The following MAD1L1 variants were observed in gnomAD, a reference collection of about 807,000 sequenced individuals.
MAD1L1 encodes the protein mitotic arrest deficient 1 like 1.
MAD1L1 carries 95 observed loss-of-function variants against 96.9 expected under a neutral mutation model. The ratio of observed to expected loss-of-function variants is 0.98; its 90% CI spans 0.83 to 1.16. The LOEUF is 1.16. Among genes scored for constraint, MAD1L1 ranks in the 50% most tolerant of loss-of-function variants. The pLI is 0.00. For missense variants in MAD1L1, 1,007 were observed against 954.4 expected, an observed-to-expected ratio of 1.06 and a Z score of -0.73; for synonymous variants, 473 against 396.6, an observed-to-expected ratio of 1.19 and a Z score of -2.29.
intron 11 of MAD1L1, among the ~76,000 whole-genome samples, chr7:2,145,855 C>T (rs935121580): frequency 4.6e-5 from 7 of 152,216 alleles, no homozygotes; most frequent in Non-Finnish European, 1.0e-4. Context: ...GCAGGAACTC[C>T]GCAGAGGAGC....
intron 17 of MAD1L1, among the ~76,000 whole-genome samples, chr7:1,900,907 C>T (rs1017679990): frequency 7.2e-5 from 11 of 152,142 alleles, no homozygotes; most frequent in African/African-American, 1.9e-4. Context: ...GGTCCCAGGG[C>T]GAGGAAGGCA....
At chr7:1,922,830 TG>T (rs1249287830) in intron 17 of MAD1L1, among the ~76,000 whole-genome samples, 1 of 152,206 alleles carries the variant, frequency 6.6e-6, no homozygotes, top group Non-Finnish European at 1.5e-5. Context: ...CATGAACGTG[TG>T]TTGGGCCTCG....
intron 11 of MAD1L1, among the ~76,000 whole-genome samples, chr7:2,091,724 A>C (rs1275597057): frequency 6.6e-6 from 1 of 151,854 alleles, no homozygotes; most frequent in African/African-American, 2.4e-5. Context: ...TGCAGTGAGC[A>C]GAGATCACGC....
At chr7:1,917,011 GT>G (rs201161130) in intron 17 of MAD1L1, among the ~76,000 whole-genome samples, 2,177 of 152,230 alleles carry the variant, frequency 0.014, 58 homozygotes, top group African/African-American at 0.05. Flanking sequence ...ACAGCATCTT[GT>G]GACAGGAATG....
intron 12 of MAD1L1, among the ~76,000 whole-genome samples, chr7:2,062,757 C>T (rs113006942): frequency 1.1e-4 from 16 of 152,094 alleles, no homozygotes; most frequent in South Asian, 2.1e-4. Flanking sequence ...ACAAGCCTCC[C>T]GAGGTGGGGC....
intron 11 of MAD1L1, among the ~76,000 whole-genome samples, chr7:2,079,260 T>TG (rs1785521458): frequency 6.6e-6 from 1 of 152,048 alleles, no homozygotes; most frequent in African/African-American, 2.4e-5. Flanking sequence ...AGAGGGCAGG[T>TG]GCCCCAGGAC....
At chr7:1,860,487 C>T (rs1363320107) in intron 18 of MAD1L1, among the ~76,000 whole-genome samples, 1 of 152,166 alleles carries the variant, frequency 6.6e-6, no homozygotes, top group Non-Finnish European at 1.5e-5. Context: ...CTAGGGGTGA[C>T]ATCCTGCAGG....
intron 12 of MAD1L1, among the ~76,000 whole-genome samples, chr7:2,041,908 C>G (rs932592864): frequency 6.6e-6 from 1 of 152,200 alleles, no homozygotes; most frequent in Admixed American, 6.5e-5. Context: ...CAGCTCCCCG[C>G]AGCACCTCCT....
At chr7:1,871,173 C>T (rs1010449803) in intron 18 of MAD1L1, among the ~76,000 whole-genome samples, 2 of 145,812 alleles carry the variant, frequency 1.4e-5, no homozygotes, top group African/African-American at 5.1e-5. Context: ...ACCTGCCGCG[C>T]TGAACCCAAC....
chr7:2,049,674 C>T (rs546863417), intron 12 of MAD1L1, among the ~76,000 whole-genome samples: 1 of 152,328 alleles, frequency 6.6e-6, no homozygotes, highest in South Asian at 2.1e-4. Context: ...GGGCACTGGG[C>T]ACTGCCTGGC....
intron 11 of MAD1L1, among the ~76,000 whole-genome samples, chr7:2,080,980 C>A (rs1370221680): frequency 2.0e-5 from 3 of 152,194 alleles, no homozygotes; most frequent in Non-Finnish European, 4.4e-5. Context: ...TGCCTCTCAG[C>A]ATGCCCAAGG....
At chr7:2,167,418 G>A (rs996087504) in intron 10 of MAD1L1, among the ~76,000 whole-genome samples, 7 of 152,010 alleles carry the variant, frequency 4.6e-5, no homozygotes, top group East Asian at 1.9e-4. Flanking sequence ...GCATGGTGGC[G>A]GGCGCCTGTA....
At chr7:1,827,801 G>T (rs562511142) in intron 18 of MAD1L1, among the ~76,000 whole-genome samples, 1 of 151,150 alleles carries the variant, frequency 6.6e-6, no homozygotes, top group Non-Finnish European at 1.5e-5. Context: ...CCCGTCCCGG[G>T]TGTGGGGTCC....
chr7:1,977,213 G>A (rs1213758181), intron 15 of MAD1L1, among the ~76,000 whole-genome samples: 2 of 152,240 alleles, frequency 1.3e-5, no homozygotes, highest in African/African-American at 4.8e-5. Flanking sequence ...GGCTGGGGGT[G>A]GGTGTGGGCT....
intron 14 of MAD1L1, among the ~76,000 whole-genome samples, chr7:1,993,659 G>A (rs981571615): frequency 1.3e-5 from 2 of 152,232 alleles, no homozygotes; most frequent in East Asian, 3.8e-4. Flanking sequence ...TTTTCTGGGC[G>A]AAGAAACCAT....
chr7:1,829,154 G>A (rs1341195087), intron 18 of MAD1L1, among the ~76,000 whole-genome samples: 2 of 152,262 alleles, frequency 1.3e-5, no homozygotes, highest in Non-Finnish European at 2.9e-5. Flanking sequence ...AGGAGTCCTG[G>A]AGGCAGGCTG....
chr7:1,985,892 C>T (rs1379835429), intron 14 of MAD1L1, among the ~76,000 whole-genome samples: 1 of 152,192 alleles, frequency 6.6e-6, no homozygotes, highest in Non-Finnish European at 1.5e-5. Flanking sequence ...CCGCCCAAGC[C>T]TCACAGACTC....
intron 11 of MAD1L1, among the ~76,000 whole-genome samples, chr7:2,076,032 G>A (rs963098447): frequency 1.3e-5 from 2 of 152,234 alleles, no homozygotes; most frequent in African/African-American, 4.8e-5. Context: ...TGGTGCTGGG[G>A]TCTAAGGCGA....
chr7:1,975,974 C>T (rs1352950471), intron 15 of MAD1L1, among the ~76,000 whole-genome samples: 1 of 152,246 alleles, frequency 6.6e-6, no homozygotes. Flanking sequence ...TATTTGACAG[C>T]AGAGAGGACG....
Sources: gnomAD v4.1 joint callset for allele counts (sites outside exome capture counted in the v4.1 genomes callset) on GRCh38, gnomAD v4.1.1 for gene constraint, MANE v1.5 for transcripts, NCBI Gene and HGNC (gene_info 2026-07-23, HGNC 2026-07-21) for gene names.